The following TNNC2 variants were observed in gnomAD, a reference collection of about 807,000 sequenced individuals.
The protein encoded by TNNC2 is troponin C, skeletal muscle.
In TNNC2, 14 loss-of-function variants were observed where a neutral mutation model predicts 20.0. The ratio of observed to expected loss-of-function variants is 0.70; its 90% CI spans 0.46 to 1.09. The LOEUF (loss-of-function observed/expected upper bound fraction) is 1.09, where lower values mean the gene tolerates loss of function less well. Among genes scored for constraint, TNNC2 ranks in the 50% least tolerant of loss-of-function variants. The pLI, the probability that TNNC2 is intolerant of heterozygous loss-of-function variation, is 0.00. For synonymous variants in TNNC2, 81 were observed against 77.3 expected (o/e 1.05, Z -0.25); for missense variants, 163 against 223.8 (o/e 0.73, Z 1.73).
rs367966013 is a variant in TNNC2 at position 45,824,642 on chromosome 20, C to A, written c.56-4G>T. 35 of 1,608,212 alleles carry A rather than the reference C, an allele frequency of 2.2e-5. No individual in the cohort carries two copies. Among genetic ancestry groups the A allele is most frequent in the Middle Eastern group, 1.7e-4 (1 of 6,058 alleles). ...ATGTCAAAGGCAGCCTTGAACTCTG[C>A]GAGGGAGGGCAGAGGGCAGAGGTGA... On this transcript the variant is annotated splice_region_variant and splice_polypyrimidine_tract_variant and intron_variant, in intron 2 of 5. Coordinates refer to ENST00000372555, the MANE Select transcript of TNNC2 (RefSeq NM_003279.3).
chr20:45,829,346 T>C (rs1442534642), upstream of TNNC2, among the ~76,000 whole-genome samples: 2 of 151,952 alleles, frequency 1.3e-5, no homozygotes, highest in Non-Finnish European at 2.9e-5. Context: ...GTATTTTTAG[T>C]AGAGACAGGG....
upstream of TNNC2, among the ~76,000 whole-genome samples, chr20:45,829,498 G>T (rs149700217): frequency 7.9e-5 from 12 of 151,776 alleles, no homozygotes; most frequent in African/African-American, 2.9e-4. Context: ...AGGTTTCATC[G>T]ACCGGGCACG....
intron 4 of TNNC2, 58 bp from the exon 5 acceptor site, chr20:45,824,185 A>G (rs1982891051): frequency 6.2e-7 from 1 of 1,602,098 alleles, no homozygotes; most frequent in Non-Finnish European, 8.5e-7. Flanking sequence ...CCTGGCCACC[A>G]CACTCGACGC....
At chr20:45,832,539 A>T (rs181895044) in intron 2 of TNNC2, among the ~76,000 whole-genome samples, 1 of 152,260 alleles carries the variant, frequency 6.6e-6, no homozygotes, top group Admixed American at 6.5e-5. Context: ...ACCCTCAGAA[A>T]ATAAGAACCC....
chr20:45,824,188 C>CACCACACATAGG, intron 4 of TNNC2, 61 bp from the exon 5 acceptor site: 2 of 1,602,010 alleles, frequency 1.2e-6, no homozygotes, highest in Non-Finnish European at 1.7e-6. Flanking sequence ...GGCCACCACA[C>CACCACACATAGG]TCGACGCCCC....
intron 1 of TNNC2, among the ~76,000 whole-genome samples, chr20:45,825,609 G>T (rs1407093727): frequency 6.6e-6 from 1 of 151,272 alleles, no homozygotes; most frequent in African/African-American, 2.4e-5. Context: ...AGTTTTTTTT[G>T]TTTGTTTGTT....
chr20:45,823,428 A>C lies in TNNC2; in HGVS notation c.452-49T>G. ...GTCAGGGGTCCCACTGGGGACGCAG[A>C]GGCCAGGCCAGGGCTCCAGCCACAC... is the stretch of plus-strand genomic sequence containing the variant. On this transcript the variant is annotated intron_variant, in intron 5 of 5. Coordinates refer to ENST00000372555, the MANE Select transcript of TNNC2 (RefSeq NM_003279.3). This position sits in a 1 kb window ranked among gnomAD's most constrained non-coding sequence, Gnocchi z 4.6. The C allele has an allele frequency of 1.3e-6, 2 of 1,546,828 alleles. No individual in the cohort carries two copies. Among genetic ancestry groups the C allele is most frequent in the Non-Finnish European group, 1.8e-6 (2 of 1,138,324 alleles).
upstream of TNNC2, among the ~76,000 whole-genome samples, chr20:45,829,228 A>T (rs1431431017): frequency 6.7e-6 from 1 of 148,222 alleles, no homozygotes; most frequent in Non-Finnish European, 1.5e-5. Context: ...ACAATGGTGC[A>T]ATCTCGGCTC....
At position 45,827,232 on chromosome 20, in the gene TNNC2, C is replaced by T. The variant is rs1982995846; in HGVS notation, c.3+14G>A. 2.5e-6 allele frequency: 4 copies of T among 1,614,038 alleles called. No homozygotes were observed. Among genetic ancestry groups the T allele is most frequent in the Non-Finnish European group, 3.4e-6 (4 of 1,180,042 alleles). On this transcript the variant is annotated intron_variant, in intron 1 of 5. Transcript: ENST00000372555. ...TCCCGTGAGTAAAGGCACAAAGTCC[C>T]CTCTTGTCCTTACCATGGTTGCTGG...
chr20:45,827,986 C>T (rs1293769918), upstream of TNNC2, among the ~76,000 whole-genome samples: 1 of 152,192 alleles, frequency 6.6e-6, no homozygotes, highest in Non-Finnish European at 1.5e-5. Context: ...AACATGATCT[C>T]ATCTAGTGCT....
intron 2 of TNNC2, among the ~76,000 whole-genome samples, chr20:45,833,037 G>A (rs1346344617): frequency 1.3e-5 from 2 of 152,232 alleles, no homozygotes; most frequent in East Asian, 1.9e-4. Context: ...AGCTACTGGG[G>A]AGGCTGAGGT....
intron 2 of TNNC2, among the ~76,000 whole-genome samples, chr20:45,832,318 A>AAAAT (rs201234697): frequency 0.026 from 4,020 of 152,198 alleles, 60 homozygotes; most frequent in Middle Eastern, 0.061. Context: ...TCCCTCTCTA[A>AAAAT]AAATAAATAA....
chr20:45,824,435 T>A, intron 3 of TNNC2, 29 bp from the exon 4 acceptor site: 1 of 1,611,292 alleles, frequency 6.2e-7, no homozygotes, highest in South Asian at 1.1e-5. Flanking sequence ...AGACTGAGCC[T>A]GAGCCCAGCC....
Position 45,824,006 on chromosome 20 carries a change from G to A in TNNC2, c.436C>T (p.Arg146Cys), listed in dbSNP as rs1311802617. 2 of 1,614,062 alleles carry A rather than the reference G, an allele frequency of 1.2e-6. No homozygotes were observed. The highest frequency in any genetic ancestry group is 8.5e-7 in the Non-Finnish European group (1 of 1,179,992). Reference protein sequence around the residue: ...MKDGDKNNDGRIDFDEFLKMM... With the variant: ...MKDGDKNNDGCIDFDEFLKMM... The stretch of plus-strand genomic sequence containing the variant: ...TGGCCCTCACCGTCGAAGTCAATGC[G>A]GCCGTCGTTGTTCTTGTCGCCGTCT... Residue 146 changes from arginine (R) to cysteine (C), a missense_variant, in exon 5 of 6, where the codon CGC (arginine) becomes TGC (cysteine). Coordinates refer to ENST00000372555, the MANE Select transcript of TNNC2 (RefSeq NM_003279.3).
upstream of TNNC2, among the ~76,000 whole-genome samples, chr20:45,827,908 G>A (rs1432585399): frequency 2.0e-5 from 3 of 152,194 alleles, no homozygotes; most frequent in Non-Finnish European, 4.4e-5. Flanking sequence ...GGGATAGGAG[G>A]AGAAAGTGAC....
At chr20:45,824,707 A>AAC in intron 2 of TNNC2, 69 bp from the exon 3 acceptor site, 1 of 870,714 alleles carries the variant, frequency 1.1e-6, no homozygotes. Context: ...CCCCCCCCCA[A>AAC]CCCCCACCCT....
At position 45,823,483 on chromosome 20, in the gene TNNC2, G is replaced by T. The variant is rs987859720; in HGVS notation, c.452-104C>A. On this transcript the variant is annotated intron_variant, in intron 5 of 5. Coordinates refer to ENST00000372555, the MANE Select transcript of TNNC2 (RefSeq NM_003279.3). This position sits in a 1 kb window ranked among gnomAD's most constrained non-coding sequence, Gnocchi z 4.6. ...GGGATGACTTTTTGTTTTTGTTTTTGTTGAGACAGAGTCTCACTCTGTTGC... is the reference window on the plus strand; with the variant it reads ...GGGATGACTTTTTGTTTTTGTTTTTTTTGAGACAGAGTCTCACTCTGTTGC... The T allele has an allele frequency of 1.2e-5, 14 of 1,201,836 alleles. No individual in the cohort carries two copies. Among genetic ancestry groups the T allele is most frequent in the Non-Finnish European group, 1.5e-5 (13 of 859,592 alleles). The allele number at this position is 1,201,836 out of a possible 1,614,324, so 74.4% of individuals were successfully genotyped here.
At chr20:45,827,982 A>G (rs1266729686), upstream of TNNC2, among the ~76,000 whole-genome samples, 1 of 152,148 alleles carries the variant, frequency 6.6e-6, no homozygotes, top group Non-Finnish European at 1.5e-5. Context: ...TTTTAACATG[A>G]TCTCATCTAG....
chr20:45,832,415 TCA>T (rs1393004623), intron 2 of TNNC2, among the ~76,000 whole-genome samples: 4 of 152,188 alleles, frequency 2.6e-5, no homozygotes, highest in African/African-American at 9.7e-5. Context: ...TCACTTTGCC[TCA>T]GTTTCTTCAT....
Sources: allele counts gnomAD v4.1 joint callset (sites outside exome capture counted in the v4.1 genomes callset), GRCh38; gene constraint gnomAD v4.1.1; non-coding constraint Gnocchi (gnomAD v3.1); transcripts MANE v1.5; gene names NCBI Gene and HGNC (gene_info 2026-07-23, HGNC 2026-07-21).